DNM1: variants seen among roughly 807,000 people sequenced by gnomAD.
The protein encoded by DNM1 is dynamin-1.
In DNM1, 29 loss-of-function variants were observed where a neutral mutation model predicts 104.6. The ratio of observed to expected loss-of-function variants is 0.28; its 90% confidence interval spans 0.21 to 0.38. The LOEUF is 0.38. Ranked by LOEUF, DNM1 falls within the 10% of genes least tolerant of loss-of-function variation. The probability of loss-of-function intolerance (pLI) is 1.00; values close to 1 mark genes in which losing one functional copy is unlikely to be tolerated. For missense variants in DNM1, 640 were observed against 1,189.4 expected, an observed-to-expected ratio of 0.54 and a Z score of 6.79; for synonymous variants, 445 against 475.8, an observed-to-expected ratio of 0.94 and a Z score of 0.84.
chr9:128,234,103 A>G lies in DNM1; in HGVS notation c.1418A>G (p.Glu473Gly). 1.3e-6 allele frequency: 2 copies of G among 1,552,826 alleles called. No homozygotes were observed. ...CGGGAGCGCGAGGGCCGCACTAAGG[A>G]GCAGGTGAGCCCCGCAGCACCCGGC... ...HIREREGRTK[E>G]QVMLLIDIEL... is the part of the protein sequence containing the mutation. Residue 473 changes from glutamate (E) to glycine (G), a missense_variant, in exon 11 of 22, where the codon GAG becomes GGG. Physicochemically the swap from Glu to Gly is moderately conservative, Grantham distance 98 (BLOSUM62 -2). Transcript: ENST00000372923.
In DNM1 at chr9:128,250,171, G is replaced by A. The variant is rs1277551348; in HGVS notation, c.2133G>A (p.Gln711=). 3.1e-6 allele frequency: 5 copies of A among 1,614,062 alleles called. No homozygotes were observed. In the African/African-American group the frequency reaches 4.0e-5, roughly 13 times the overall value. Residue 711 remains glutamine (Q), a synonymous_variant, in exon 20 of 22, where the codon CAG becomes CAA. Transcript: ENST00000372923. ...LLANLYSCGD[Q]NTLMEESAEQ... The stretch of plus-strand genomic sequence containing the variant: ...CCAACCTGTACTCGTGTGGGGACCA[G>A]AACACGCTGATGGAGGAGTCGGCGG...
At chr9:128,215,944 G>A (rs1834577583) in intron 1 of DNM1, among the ~76,000 whole-genome samples, 2 of 151,978 alleles carry the variant, frequency 1.3e-5, no homozygotes, top group Admixed American at 1.3e-4. Context: ...CAGCCCTGGG[G>A]GACTCCCAAA....
Position 128,253,089 on chromosome 9 carries a change from G to A in DNM1, c.2535-1565G>A. ...GTGTGAACTGCCATGTTGATTTCGT[G>A]CTGTCTTTCAGAATCACTATCAGTG... is the stretch of plus-strand genomic sequence containing the variant. On this transcript the variant is annotated intron_variant, in intron 21 of 21. Transcript: ENST00000372923. This position sits in a 1 kb window ranked among gnomAD's most constrained non-coding sequence, Gnocchi z 5.9. 6.2e-7 allele frequency: 1 copy of A among 1,611,118 alleles called. No individual in the cohort carries two copies.
In DNM1 at chr9:128,247,577, C is replaced by T. The variant is rs899445666; in HGVS notation, c.1893+91C>T. On this transcript the variant is annotated intron_variant, in intron 17 of 21. Transcript: ENST00000372923. The surrounding 1 kb of genome is among the most constrained non-coding windows in gnomAD (Gnocchi z 5.1). Reference sequence around the variant, plus strand: ...GTGATGCCAAGTCATGCCATGTTTCCGAGCCCTTATTTGGCTCAGAAATAA... The same window carrying T: ...GTGATGCCAAGTCATGCCATGTTTCTGAGCCCTTATTTGGCTCAGAAATAA... 189 of 1,093,976 alleles carry T rather than the reference C, an allele frequency of 1.7e-4. No homozygotes were observed. Among genetic ancestry groups the T allele is most frequent in the Non-Finnish European group, 2.4e-4 (176 of 738,200 alleles). The allele number at this position is 1,093,976 out of a possible 1,614,324, so 67.8% of individuals were successfully genotyped here.
chr9:128,230,216 C>CAA (rs574620137), intron 10 of DNM1, among the ~76,000 whole-genome samples: 9,960 of 76,508 alleles, frequency 0.13, 380 homozygotes, highest in Middle Eastern at 0.23. Context: ...GACTCCGTCT[C>CAA]AAAAAAAAAA....
At position 128,203,480 on chromosome 9, in the gene DNM1, C is replaced by A; in HGVS notation, c.10C>A (p.Arg4Ser). The A allele has an allele frequency of 2.0e-6, 3 of 1,511,432 alleles. No individual in the cohort carries two copies. Among genetic ancestry groups the A allele is most frequent in the Non-Finnish European group, 2.6e-6 (3 of 1,132,140 alleles). 93.6% of individuals were successfully genotyped at this position (1,511,432 alleles called of 1,614,324 possible). A position where few individuals can be genotyped will look rare whatever the true frequency, so the allele number is the denominator to read the frequency against. The change falls in exon 1 of 22, where the codon CGC (arginine) becomes AGC (serine). Residue 4 changes from arginine to serine, a missense_variant. Physicochemically the swap from Arg to Ser is moderately radical, Grantham distance 110. This residue lies in a region of DNM1 where 172 missense variants were observed against 335.3 expected (regional missense o/e 0.51). Transcript: ENST00000372923. This position sits in a 1 kb window ranked among gnomAD's most constrained non-coding sequence, Gnocchi z 5.3. ...GGGGCCCGCCGCAGCCATGGGCAACCGCGGCATGGAAGATCTCATCCCGCT... is the reference window on the plus strand; with the variant it reads ...GGGGCCCGCCGCAGCCATGGGCAACAGCGGCATGGAAGATCTCATCCCGCT... MGN[R>S]GMEDLIPLVN...
Position 128,222,430 on chromosome 9 carries a change from G to A in DNM1, c.993-31G>A. 2 of 1,612,360 alleles carry A rather than the reference G, an allele frequency of 1.2e-6. No individual in the cohort carries two copies. On this transcript the variant is annotated intron_variant, in intron 7 of 21. Transcript: ENST00000372923. This position sits in a 1 kb window ranked among gnomAD's most constrained non-coding sequence, Gnocchi z 7.8. ...GGGTTCCCTTTGCTGGGCTGCTCCT[G>A]CCCCCTCAGGCCACACCACTCTCCC...
Position 128,219,257 on chromosome 9 carries a change from G to A in DNM1, c.589+5G>A, listed in dbSNP as rs757372393. 7 of 1,613,768 alleles carry A rather than the reference G, an allele frequency of 4.3e-6. No individual in the cohort carries two copies. The highest frequency in any genetic ancestry group is 5.9e-6 in the Non-Finnish European group (7 of 1,179,846). On this transcript the variant is annotated splice_donor_5th_base_variant and intron_variant, in intron 4 of 21. Coordinates refer to ENST00000372923, the MANE Select transcript of DNM1 (RefSeq NM_004408.4). ...CCAAGGAGGTGGACCCCCAGGGTAG[G>A]TTCCCACCCGGTGGCCAATGCACAA...
chr9:128,220,733 G>A lies in DNM1; in HGVS notation c.849+392G>A, dbSNP rs1049376011. On this transcript the variant is annotated intron_variant, in intron 6 of 21. Coordinates refer to ENST00000372923, the MANE Select transcript of DNM1 (RefSeq NM_004408.4). The surrounding 1 kb of genome is among the most constrained non-coding windows in gnomAD (Gnocchi z 5.2). Reference sequence around the variant, plus strand: ...TGGGGCATCCAGAACTGAAGTGCGCGCGCGCGCGCGTGTGTGTGTGTGTGT... The same window carrying A: ...TGGGGCATCCAGAACTGAAGTGCGCACGCGCGCGCGTGTGTGTGTGTGTGT... Among the ~76,000 whole-genome samples the A allele has an allele frequency of 6.3e-5, 8 of 127,006 alleles. No individual in the cohort carries two copies. In the South Asian group the frequency reaches 2.4e-3, roughly 38 times the overall value. 83.3% of individuals were successfully genotyped at this position (127,006 alleles called of 152,430 possible).
At chr9:128,252,806 G>A (rs1457393538) in intron 21 of DNM1, 2 of 655,878 alleles carry the variant, frequency 3.0e-6, no homozygotes, top group East Asian at 3.0e-5. Context: ...GTGCGGGTGA[G>A]CTTCTGTGTT....
Position 128,254,597 on chromosome 9 carries a change from C to T in DNM1, c.2535-57C>T. ...CGGCCGTGTGCTGCGCTTGCCTTAC[C>T]AGCTCTCTCCTCGCTTTTCTCTCCC... is the stretch of plus-strand genomic sequence containing the variant. On this transcript the variant is annotated intron_variant, in intron 21 of 21. Transcript: ENST00000372923. The surrounding 1 kb of genome is among the most constrained non-coding windows in gnomAD (Gnocchi z 6.1). The T allele has an allele frequency of 6.3e-7, 1 of 1,595,600 alleles. No homozygotes were observed. The highest frequency in any genetic ancestry group is 8.5e-7 in the Non-Finnish European group (1 of 1,179,284).
chr9:128,234,485 C>G (rs1486887517), intron 11 of DNM1, among the ~76,000 whole-genome samples: 1 of 152,082 alleles, frequency 6.6e-6, no homozygotes, highest in Non-Finnish European at 1.5e-5. Flanking sequence ...TTGCCTCAGC[C>G]TCCCGAGTAG....
Position 128,248,433 on chromosome 9 carries a change from A to G in DNM1, c.1906-150A>G. The G allele has an allele frequency of 6.1e-6, 5 of 815,868 alleles. No homozygotes were observed. Among genetic ancestry groups the G allele is most frequent in the Admixed American group, 2.8e-5 (1 of 35,270 alleles). The allele number at this position is 815,868 out of a possible 1,614,324, so 50.5% of individuals were successfully genotyped here. A position where few individuals can be genotyped will look rare whatever the true frequency, so the allele number is the denominator to read the frequency against. On this transcript the variant is annotated intron_variant, in intron 18 of 21. Transcript: ENST00000372923. This position sits in a 1 kb window ranked among gnomAD's most constrained non-coding sequence, Gnocchi z 5.6. ...GGGAGTCTAGGGTCCTGAGAGGCAC[A>G]GGGATGCGGAGCCAGGTATGTATTC...
chr9:128,207,087 G>C (rs1834014954), intron 1 of DNM1, among the ~76,000 whole-genome samples: 1 of 152,034 alleles, frequency 6.6e-6, no homozygotes, highest in Admixed American at 6.6e-5. Context: ...GATGACTTCT[G>C]GGACTTTGAC....
Position 128,207,190 on chromosome 9 carries a change from T to C in DNM1, c.161+3559T>C, listed in dbSNP as rs1834021210. Among the ~76,000 whole-genome samples the C allele has an allele frequency of 2.0e-5, 3 of 152,048 alleles. No homozygotes were observed. The South Asian group carries it at 6.2e-4, about 32-fold the overall frequency. ...GGATGGGGGAAGACCAGGGTTTGGT[T>C]CTGAACATATTGAGCCTGAGATGCC... is the stretch of plus-strand genomic sequence containing the variant. On this transcript the variant is annotated intron_variant, in intron 1 of 21. Transcript: ENST00000372923.
At chr9:128,229,837 T>C (rs144150761) in intron 10 of DNM1, among the ~76,000 whole-genome samples, 5,722 of 151,188 alleles carry the variant, frequency 0.038, 350 homozygotes, top group African/African-American at 0.13. Flanking sequence ...CACTTGAACC[T>C]GGAAGGCAGA....
At position 128,203,705 on chromosome 9, in the gene DNM1, G is replaced by C; in HGVS notation, c.161+74G>C. The C allele has an allele frequency of 7.5e-7, 1 of 1,333,650 alleles. No individual in the cohort carries two copies. The highest frequency in any genetic ancestry group is 9.6e-7 in the Non-Finnish European group (1 of 1,041,602). The allele number at this position is 1,333,650 out of a possible 1,614,324, so 82.6% of individuals were successfully genotyped here. ...TGGAGTCCCCGCCCGGGGCACTGACGGCGCGGCGACCTCGCAGCCCCCGAC... is the reference window on the plus strand; with the variant it reads ...TGGAGTCCCCGCCCGGGGCACTGACCGCGCGGCGACCTCGCAGCCCCCGAC... On this transcript the variant is annotated intron_variant, in intron 1 of 21. Transcript: ENST00000372923. The surrounding 1 kb of genome is among the most constrained non-coding windows in gnomAD (Gnocchi z 5.3).
intron 21 of DNM1, 24 bp downstream of exon 21, chr9:128,250,964 G>T: frequency 1.5e-6 from 2 of 1,328,718 alleles, no homozygotes; most frequent in Non-Finnish European, 2.0e-6. Context: ...GAATGCGGCT[G>T]GAGAGGCTGC....
intron 11 of DNM1, among the ~76,000 whole-genome samples, chr9:128,238,843 GAC>G: frequency 6.6e-6 from 1 of 151,470 alleles, no homozygotes. Flanking sequence ...TTTTAGTAGA[GAC>G]GGGGTTTCAC....
Sources: gnomAD v4.1 joint callset for allele counts (sites outside exome capture counted in the v4.1 genomes callset) on GRCh38, gnomAD v4.1.1 for gene constraint, gnomAD v4.1.1 regional missense constraint, Gnocchi (gnomAD v3.1) non-coding constraint, MANE v1.5 for transcripts, NCBI Gene and HGNC (gene_info 2026-07-23, HGNC 2026-07-21) for gene names.